The following IQCK variants were observed in gnomAD, a reference collection of about 807,000 sequenced individuals.
The protein encoded by IQCK is IQ motif containing K.
In IQCK, 29 loss-of-function variants were observed where a neutral mutation model predicts 28.1. That is an observed-to-expected ratio of 1.03 (90% CI 0.77 to 1.41). The LOEUF (loss-of-function observed/expected upper bound fraction) is 1.41. Among genes scored for constraint, IQCK ranks in the 40% most tolerant of loss-of-function variants. The probability of loss-of-function intolerance (pLI) is 0.00; values close to 1 mark genes in which losing one functional copy is unlikely to be tolerated. For missense variants in IQCK, 359 were observed against 314.7 expected, an observed-to-expected ratio of 1.14 and a Z score of -1.07; for synonymous variants, 113 against 115.1, an observed-to-expected ratio of 0.98 and a Z score of 0.12.
chr16:19,770,511 T>C (rs948552171), intron 6 of IQCK, among the ~76,000 whole-genome samples: 3 of 152,136 alleles, frequency 2.0e-5, no homozygotes, highest in African/African-American at 7.2e-5. Context: ...CTTTTCAAGC[T>C]TTGAGAAACT....
At chr16:19,812,371 A>G (rs565339051) in intron 7 of IQCK, among the ~76,000 whole-genome samples, 55 of 152,350 alleles carry the variant, frequency 3.6e-4, no homozygotes, top group Non-Finnish European at 6.5e-4. Flanking sequence ...TATAGGTTCT[A>G]ATGACCACTC....
chr16:19,802,666 T>C (rs1233063724), intron 7 of IQCK, among the ~76,000 whole-genome samples: 1 of 150,900 alleles, frequency 6.6e-6, no homozygotes, highest in African/African-American at 2.4e-5. Flanking sequence ...CAAAGCAGGC[T>C]CCCATCTCAC....
At chr16:19,803,116 CTTTTT>C (rs1163438747) in intron 7 of IQCK, among the ~76,000 whole-genome samples, 1 of 151,902 alleles carries the variant, frequency 6.6e-6, no homozygotes, top group South Asian at 2.1e-4. Context: ...CTATTGTTGG[CTTTTT>C]TGTTTTGTTT....
chr16:19,722,339 C>T (rs370394768), intron 1 of IQCK, among the ~76,000 whole-genome samples: 1 of 152,046 alleles, frequency 6.6e-6, no homozygotes, highest in African/African-American at 2.4e-5. Context: ...CTTTGCTTAC[C>T]GTCCCCTTGC....
intron 6 of IQCK, among the ~76,000 whole-genome samples, chr16:19,766,736 G>A (rs949364763): frequency 1.3e-5 from 2 of 152,212 alleles, no homozygotes; most frequent in African/African-American, 4.8e-5. Flanking sequence ...CCAGACACTA[G>A]CGTATGTCCC....
intron 1 of IQCK, among the ~76,000 whole-genome samples, chr16:19,720,517 G>C (rs1977460146): frequency 6.6e-6 from 1 of 152,202 alleles, no homozygotes; most frequent in Admixed American, 6.5e-5. Context: ...GTAAGATAAT[G>C]TATGAAAAGG....
chr16:19,745,563 A>G (rs932255455), intron 4 of IQCK, among the ~76,000 whole-genome samples: 3 of 152,222 alleles, frequency 2.0e-5, no homozygotes, highest in African/African-American at 7.2e-5. Context: ...CTCCCTTGTC[A>G]TAGCATTGTA....
intron 6 of IQCK, among the ~76,000 whole-genome samples, chr16:19,780,853 A>G (rs931742468): frequency 2.8e-4 from 42 of 152,362 alleles, no homozygotes; most frequent in African/African-American, 9.6e-4. Context: ...AGAAGCGCAT[A>G]TATTACTATA....
chr16:19,796,951 C>T (rs973653056), intron 7 of IQCK, among the ~76,000 whole-genome samples: 1 of 86,784 alleles, frequency 1.2e-5, no homozygotes, highest in Non-Finnish European at 1.9e-5. Context: ...TGGTAGCGGG[C>T]ACCAGTAATC....
chr16:19,729,572 C>T (rs1472319959), intron 1 of IQCK, among the ~76,000 whole-genome samples: 3 of 152,000 alleles, frequency 2.0e-5, no homozygotes, highest in Admixed American at 6.6e-5. Context: ...TTAGATAAAG[C>T]GTCGACTCTT....
chr16:19,730,070 C>T lies in IQCK; in HGVS notation c.182-360C>T, dbSNP rs374358798. ...TCCCGGGTTCAAGCAATTCTCCTGC[C>T]TCAGCCTCCCAAGTAGCTGTGATTA... is the stretch of plus-strand genomic sequence containing the variant. On this transcript the variant is annotated intron_variant, in intron 1 of 7. Transcript: ENST00000564186. Among the ~76,000 whole-genome samples the T allele has an allele frequency of 2.6e-5, 4 of 152,210 alleles. No individual in the cohort carries two copies. The South Asian group carries it at 6.2e-4, about 24-fold the overall frequency.
At chr16:19,740,361 C>T (rs1422726752) in intron 4 of IQCK, among the ~76,000 whole-genome samples, 1 of 152,052 alleles carries the variant, frequency 6.6e-6, no homozygotes, top group East Asian at 1.9e-4. Context: ...GTAGGTATCC[C>T]GTGGTGTTAA....
At chr16:19,841,319 C>G (rs2056360130) in intron 9 of IQCK, among the ~76,000 whole-genome samples, 1 of 152,154 alleles carries the variant, frequency 6.6e-6, no homozygotes, top group African/African-American at 2.4e-5. Context: ...TGCATGAGCC[C>G]TACTGTTGCC....
At chr16:19,827,187 C>A in exon 8 of IQCK, 1 of 1,322,504 alleles carries the variant, frequency 7.6e-7, no homozygotes, top group Non-Finnish European at 1.1e-6. Flanking sequence ...AAGCCTGATT[C>A]TTATTCCAGG....
chr16:19,844,137 T>C (rs1198972093), intron 9 of IQCK, among the ~76,000 whole-genome samples: 1 of 151,432 alleles, frequency 6.6e-6, no homozygotes, highest in African/African-American at 2.4e-5. Context: ...TGGAGTGCAG[T>C]GGCACGACCT....
chr16:19,756,452 A>G (rs772288370), intron 4 of IQCK, among the ~76,000 whole-genome samples: 6 of 152,232 alleles, frequency 3.9e-5, no homozygotes, highest in Non-Finnish European at 8.8e-5. Flanking sequence ...CTGAGGTACT[A>G]TGATCTGAAT....
chr16:19,808,914 A>G (rs931041234), intron 7 of IQCK, among the ~76,000 whole-genome samples: 2 of 152,166 alleles, frequency 1.3e-5, no homozygotes, highest in Non-Finnish European at 2.9e-5. Flanking sequence ...CTGGAGTGCA[A>G]TGGCGCAATC....
At chr16:19,719,260 C>A (rs1358471320) in intron 1 of IQCK, among the ~76,000 whole-genome samples, 1 of 152,000 alleles carries the variant, frequency 6.6e-6, no homozygotes, top group African/African-American at 2.4e-5. Flanking sequence ...ACAGAAGGAG[C>A]TACGTAAGCG....
intron 9 of IQCK, among the ~76,000 whole-genome samples, chr16:19,844,928 C>G (rs182012775): frequency 6.6e-6 from 1 of 152,294 alleles, no homozygotes; most frequent in Non-Finnish European, 1.5e-5. Context: ...CCCACCTCAG[C>G]CTCCCTAGTA....
Sources: gnomAD v4.1 joint callset for allele counts (sites outside exome capture counted in the v4.1 genomes callset) on GRCh38, gnomAD v4.1.1 for gene constraint, MANE v1.5 for transcripts, NCBI Gene and HGNC (gene_info 2026-07-23, HGNC 2026-07-21) for gene names.